Variants in RORA observed in about 807,000 individuals in gnomAD.
RORA encodes the protein RAR related orphan receptor A, also known as nuclear receptor ROR-alpha.
RORA carries 7 observed loss-of-function variants against 69.5 expected under a neutral mutation model. The observed-to-expected ratio is 0.10, with a 90% CI of 0.06 to 0.19. RORA has a LOEUF of 0.19. Among genes scored for constraint, RORA ranks in the 10% least tolerant of loss-of-function variants. The pLI is 1.00. For missense variants in RORA, 457 were observed against 663.0 expected, an observed-to-expected ratio of 0.69 and a Z score of 3.41; for synonymous variants, 261 against 240.8, an observed-to-expected ratio of 1.08 and a Z score of -0.78.
chr15:60,578,087 T>G (rs1596003716), intron 2 of RORA, among the ~76,000 whole-genome samples: 2 of 152,252 alleles, frequency 1.3e-5, no homozygotes, highest in African/African-American at 4.8e-5. Flanking sequence ...GGTAGTTTCT[T>G]AAAGATTAGT....
intron 2 of RORA, among the ~76,000 whole-genome samples, chr15:60,581,403 A>G (rs1013843166): frequency 6.6e-6 from 1 of 152,210 alleles, no homozygotes; most frequent in Non-Finnish European, 1.5e-5. Flanking sequence ...CTATCAAACC[A>G]ATTGTTTTGT....
Position 60,511,672 on chromosome 15 carries a change from ATT to A in RORA, c.425-53_425-52del, listed in dbSNP as rs745823185. 543 of 1,525,180 alleles carry A rather than the reference ATT, an allele frequency of 3.6e-4. No individual in the cohort carries two copies. The highest frequency in any genetic ancestry group is 4.5e-4 in the Non-Finnish European group (512 of 1,138,104). The allele number at this position is 1,525,180 out of a possible 1,614,324, so 94.5% of individuals were successfully genotyped here. ...TACATACAATGCGCTTTTCTTCAATATTCTCTCCTGCGAGCTTTGGGGTTTCC... is the reference window on the plus strand; with the variant it reads ...TACATACAATGCGCTTTTCTTCAATACTCTCCTGCGAGCTTTGGGGTTTCC... On this transcript the variant is annotated intron_variant, in intron 4 of 10. Transcript: ENST00000335670. The surrounding 1 kb of genome is among the most constrained non-coding windows in gnomAD (Gnocchi z 6.4).
At chr15:60,882,976 C>CA (rs566093150) in intron 1 of RORA, among the ~76,000 whole-genome samples, 95 of 151,494 alleles carry the variant, frequency 6.3e-4, no homozygotes, top group African/African-American at 2.2e-3. Flanking sequence ...ACTAAAAATA[C>CA]AAAAATTAGC....
intron 1 of RORA, among the ~76,000 whole-genome samples, chr15:61,211,284 C>CAAAAAAAAAAAA (rs58967697): frequency 1.1e-5 from 1 of 93,264 alleles, no homozygotes; most frequent in Non-Finnish European, 2.2e-5. Flanking sequence ...AAAACAACAG[C>CAAAAAAAAAAAA]AAAAAAAAAA....
chr15:61,026,872 T>C (rs1466908761), intron 1 of RORA, among the ~76,000 whole-genome samples: 1 of 152,174 alleles, frequency 6.6e-6, no homozygotes, highest in African/African-American at 2.4e-5. Context: ...ATGGGAGACC[T>C]GACCTCATAA....
chr15:61,001,979 G>A lies in RORA; in HGVS notation c.166+227074C>T, dbSNP rs545332168. 3.9e-5 allele frequency among the ~76,000 whole-genome samples: 6 copies of A among 152,354 alleles called. No individual in the cohort carries two copies. In the East Asian group the frequency reaches 5.8e-4, roughly 15 times the overall value. On this transcript the variant is annotated intron_variant, in intron 1 of 10. Coordinates refer to ENST00000335670, the MANE Select transcript of RORA (RefSeq NM_134261.3). ...GGAGACAGCCAACTTCAAACAGAGC[G>A]TGGCCCACGGGGGCAGCCATGAACA...
chr15:60,714,311 G>A lies in RORA; in HGVS notation c.167-35625C>T, dbSNP rs571744972. On this transcript the variant is annotated intron_variant, in intron 1 of 10. Coordinates refer to ENST00000335670, the MANE Select transcript of RORA (RefSeq NM_134261.3). ...TGACCCCAGGTGATCCACTGGTCTC[G>A]GCCTCCCAAAGTGCTGGGATTACAG... 2.7e-4 allele frequency among the ~76,000 whole-genome samples: 41 copies of A among 150,890 alleles called. 1 individual carries two copies. The highest frequency in any genetic ancestry group is 8.6e-4 in the Admixed American group (13 of 15,160).
intron 1 of RORA, among the ~76,000 whole-genome samples, chr15:61,136,577 C>T (rs1352060716): frequency 6.6e-6 from 1 of 152,058 alleles, no homozygotes; most frequent in Non-Finnish European, 1.5e-5. Context: ...TACCACAAGA[C>T]AGAACTGGGG....
At chr15:60,788,800 C>G (rs566247638) in intron 1 of RORA, among the ~76,000 whole-genome samples, 10 of 152,336 alleles carry the variant, frequency 6.6e-5, no homozygotes, top group Admixed American at 1.3e-4. Context: ...GAGCCCCCTT[C>G]CATGAGAAAG....
intron 2 of RORA, among the ~76,000 whole-genome samples, chr15:60,591,268 G>A (rs575387173): frequency 6.6e-6 from 1 of 152,304 alleles, no homozygotes; most frequent in South Asian, 2.1e-4. Context: ...GATTATCCAC[G>A]GCGAGGAACC....
At chr15:60,768,243 C>T (rs2072019515) in intron 1 of RORA, among the ~76,000 whole-genome samples, 1 of 152,236 alleles carries the variant, frequency 6.6e-6, no homozygotes, top group South Asian at 2.1e-4. Flanking sequence ...TACCCAGATA[C>T]ATCCATCAAG....
intron 1 of RORA, among the ~76,000 whole-genome samples, chr15:61,145,334 G>A (rs1009323640): frequency 1.3e-5 from 2 of 152,120 alleles, no homozygotes; most frequent in African/African-American, 2.4e-5. Context: ...TGCAAGTTAC[G>A]TCTTATCATT....
intron 1 of RORA, among the ~76,000 whole-genome samples, chr15:60,995,922 A>C (rs1894518282): frequency 6.6e-6 from 1 of 152,210 alleles, no homozygotes. Context: ...TAGCTGTGAA[A>C]GTTCCTTGCT....
chr15:61,169,207 G>A (rs1034406719), intron 1 of RORA, among the ~76,000 whole-genome samples: 4 of 151,610 alleles, frequency 2.6e-5, no homozygotes, highest in Non-Finnish European at 5.9e-5. Context: ...GGGGAATCCA[G>A]CCTCCCTTCG....
At chr15:60,786,357 T>C (rs930951725) in intron 1 of RORA, among the ~76,000 whole-genome samples, 1 of 152,200 alleles carries the variant, frequency 6.6e-6, no homozygotes, top group Non-Finnish European at 1.5e-5. Flanking sequence ...AGATAAATAT[T>C]ACTAATACCT....
chr15:61,227,677 T>C (rs553455852), intron 1 of RORA, among the ~76,000 whole-genome samples: 14 of 151,760 alleles, frequency 9.2e-5, no homozygotes, highest in African/African-American at 3.4e-4. Context: ...GGGCCCCCAT[T>C]CGCCTCTACC....
intron 7 of RORA, among the ~76,000 whole-genome samples, chr15:60,503,260 G>A (rs1250041140): frequency 6.6e-6 from 1 of 152,074 alleles, no homozygotes; most frequent in East Asian, 1.9e-4. Context: ...CGGAGGACTT[G>A]GAGTGTAGAA....
At chr15:60,578,969 TAGCCAAGATG>T (rs1429444694) in intron 2 of RORA, among the ~76,000 whole-genome samples, 4 of 152,010 alleles carry the variant, frequency 2.6e-5, no homozygotes, top group Non-Finnish European at 5.9e-5. Flanking sequence ...TTCACCATGT[TAGCCAAGATG>T]GTCTCGATCT....
At chr15:60,556,426 T>C (rs779754443) in intron 2 of RORA, among the ~76,000 whole-genome samples, 2 of 152,228 alleles carry the variant, frequency 1.3e-5, no homozygotes. Flanking sequence ...ACCCCACTTC[T>C]ATCCCGCCTT....
Sources: allele counts gnomAD v4.1 joint callset (sites outside exome capture counted in the v4.1 genomes callset), GRCh38; gene constraint gnomAD v4.1.1; non-coding constraint Gnocchi (gnomAD v3.1); transcripts MANE v1.5; gene names NCBI Gene and HGNC (gene_info 2026-07-23, HGNC 2026-07-21).